Variants in INF2 observed in about 807,000 individuals in gnomAD.
INF2 encodes the protein inverted formin-2.
A neutral mutation model predicts 123.5 loss-of-function variants in INF2; 43 were observed. That is an observed-to-expected ratio of 0.35 (90% CI 0.27 to 0.45). The LOEUF (loss-of-function observed/expected upper bound fraction) is 0.45, where lower values mean the gene tolerates loss of function less well. Ranked by LOEUF, INF2 falls within the 20% of genes least tolerant of loss-of-function variation. INF2 has a pLI of 1.00. For missense variants in INF2, 1,453 were observed against 1,682.7 expected (o/e 0.86, Z 2.39); for synonymous variants, 851 against 745.0 (o/e 1.14, Z -2.32).
chr14:104,682,419 A>G (rs777410164), intron 1 of INF2, among the ~76,000 whole-genome samples: 26 of 152,170 alleles, frequency 1.7e-4, no homozygotes, highest in Non-Finnish European at 3.8e-4. Context: ...CAAAGCCAAG[A>G]CTGGCAGATA....
chr14:104,710,974 G>C lies in INF2; in HGVS notation c.2277G>C (p.Gln759His), dbSNP rs1198982780. Residue 759 changes from glutamine to histidine, a missense_variant, in exon 14 of 23, where the codon CAG becomes CAC. Physicochemically the swap from Gln to His is conservative, Grantham distance 24 (BLOSUM62 0). Coordinates refer to ENST00000392634, the MANE Select transcript of INF2 (RefSeq NM_022489.4). ...LTSRQLPIFC[Q>H]LILRIGNFLN... Reference sequence around the variant, plus strand: ...GCCGCCAGCTGCCCATCTTCTGCCAGCTGATCCTGAGAATTGGGAACTTCC... The same window carrying C: ...GCCGCCAGCTGCCCATCTTCTGCCACCTGATCCTGAGAATTGGGAACTTCC... 2.5e-6 allele frequency: 4 copies of C among 1,612,006 alleles called. No individual in the cohort carries two copies. The highest frequency in any genetic ancestry group is 2.2e-5 in the East Asian group (1 of 44,822).
intron 1 of INF2, among the ~76,000 whole-genome samples, chr14:104,683,398 G>A (rs368263645): frequency 1.0e-5 from 1 of 95,590 alleles, no homozygotes; most frequent in Non-Finnish European, 2.0e-5. Context: ...CCCACCAGGG[G>A]TGTCAAAGCA....
chr14:104,714,834 G>T lies in INF2; in HGVS notation c.3672G>T (p.Lys1224Asn), dbSNP rs1890216513. 1 of 1,589,900 alleles carries T rather than the reference G, an allele frequency of 6.3e-7. No homozygotes were observed. Among genetic ancestry groups the T allele is most frequent in the Non-Finnish European group, 8.5e-7 (1 of 1,170,808 alleles). Reference protein sequence around the residue: ...ASKGTGKRRKKRPSRSQEEVP... With the variant: ...ASKGTGKRRKNRPSRSQEEVP... ...AGGGGACCGGGAAGCGAAGGAAGAA[G>T]CGTCCCTCCAGGAGCCAGGAAGGTA... The change falls in exon 21 of 23, where the codon AAG becomes AAT. Residue 1224 changes from lysine to asparagine, a missense_variant. By Grantham distance (94) the Lys-to-Asn change is moderately conservative. Coordinates refer to ENST00000392634, the MANE Select transcript of INF2 (RefSeq NM_022489.4).
rs776939784 is a variant in INF2, at chr14:104,712,494, G to A, written c.2551G>A (p.Glu851Lys). 9.3e-6 allele frequency: 15 copies of A among 1,612,682 alleles called. No individual in the cohort carries two copies. The highest frequency in any genetic ancestry group is 1.7e-5 in the Admixed American group (1 of 60,018). Residue 851 changes from glutamate (E) to lysine (K), a missense_variant, in exon 17 of 23, where the codon GAG (glutamate) becomes AAG (lysine). Glu to Lys is a moderately conservative substitution (Grantham distance 56, BLOSUM62 1). This residue lies in a region of INF2 where 212 missense variants were observed against 266.2 expected (regional missense o/e 0.80). Coordinates refer to ENST00000392634, the MANE Select transcript of INF2 (RefSeq NM_022489.4). The part of the protein sequence containing the change: ...SSNLKKLLET[E>K]RKVSASVAEV... ...CAACCTGAAGAAGCTTCTGGAGACC[G>A]AGCGGAAGGTGTCTGCCTCCGTGGC...
chr14:104,714,753 G>A lies in INF2; in HGVS notation c.3591G>A (p.Ala1197=), dbSNP rs765090867. 3.9e-5 allele frequency: 62 copies of A among 1,600,956 alleles called. No homozygotes were observed. Among genetic ancestry groups the A allele is most frequent in the Middle Eastern group, 3.3e-4 (2 of 6,016 alleles). ...TGGACAAGTCCTTCTCCGAGGATGC[G>A]GTGACCGACTCCTCGGGGTCGGGCA... ...TSLDKSFSED[A]VTDSSGSGTL... is the part of the protein sequence containing the mutation. The change falls in exon 21 of 23, where the codon GCG becomes GCA. Residue 1197 remains alanine, a synonymous_variant. Coordinates refer to ENST00000392634, the MANE Select transcript of INF2 (RefSeq NM_022489.4).
At chr14:104,715,682 G>A (rs957850780) in intron 22 of INF2, 5 of 544,912 alleles carry the variant, frequency 9.2e-6, no homozygotes, top group Non-Finnish European at 1.7e-5. Flanking sequence ...CCTCCTGGCT[G>A]GCAGGACAGG....
chr14:104,703,473 C>G lies in INF2; in HGVS notation c.667+19C>G. ...TTTATCGGTAAGCACCTGCCCTGGGCCGCATGCCCGCTCCTGCCCGCCTCT... is the reference window on the plus strand; with the variant it reads ...TTTATCGGTAAGCACCTGCCCTGGGGCGCATGCCCGCTCCTGCCCGCCTCT... On this transcript the variant is annotated intron_variant, in intron 4 of 22. Coordinates refer to ENST00000392634, the MANE Select transcript of INF2 (RefSeq NM_022489.4). 6.2e-7 allele frequency: 1 copy of G among 1,609,264 alleles called. No individual in the cohort carries two copies. Among genetic ancestry groups the G allele is most frequent in the Non-Finnish European group, 8.5e-7 (1 of 1,179,830 alleles).
At position 104,707,467 on chromosome 14, in the gene INF2, C is replaced by G; in HGVS notation, c.1200C>G (p.Ala400=). Residue 400 remains alanine, a synonymous_variant, in exon 8 of 23, where the codon GCC becomes GCG. Coordinates refer to ENST00000392634, the MANE Select transcript of INF2 (RefSeq NM_022489.4). ...CTGCCTGCGAGCCCGTGGACCACGC[C>G]CAGAGTGAGAGCATCCTGAAAGTTT... The part of the protein sequence containing the change: ...AAAACEPVDH[A]QSESILKVSQ... The G allele has an allele frequency of 6.4e-7, 1 of 1,554,602 alleles. No individual in the cohort carries two copies. The highest frequency in any genetic ancestry group is 1.2e-5 in the South Asian group (1 of 84,444).
chr14:104,708,812 C>A (rs1240603258), intron 10 of INF2, 80 bp downstream of exon 10: 1 of 1,417,506 alleles, frequency 7.1e-7, no homozygotes, highest in Non-Finnish European at 1.0e-6. Flanking sequence ...CCCAGCAGTG[C>A]CCTCTGCAGG....
At position 104,719,927 on chromosome 14, in the gene INF2, TA is replaced by T. The variant is rs1372108081; in HGVS notation, c.*1136del. On this transcript the variant is annotated 3_prime_UTR_variant, in exon 23 of 23. Coordinates refer to ENST00000392634, the MANE Select transcript of INF2 (RefSeq NM_022489.4). ...AGATGGGTGCAGCTCTACAGGGGCG[TA>T]ATTTACAAACCACCAGACTCCCTGG... 6.6e-6 allele frequency: 1 copy of T among 152,338 alleles called. No homozygotes were observed. The highest frequency in any genetic ancestry group is 1.5e-5 in the Non-Finnish European group (1 of 68,130). The allele number at this position is 152,338 out of a possible 1,614,324, so 9.4% of individuals were successfully genotyped here. A position where few individuals can be genotyped will look rare whatever the true frequency, so the allele number is the denominator to read the frequency against.
At chr14:104,706,534 G>C (rs558208060) in intron 6 of INF2, among the ~76,000 whole-genome samples, 1 of 152,330 alleles carries the variant, frequency 6.6e-6, no homozygotes, top group South Asian at 2.1e-4. Context: ...TCAGGGCTTG[G>C]TGAGGGGCTA....
chr14:104,690,222 C>T (rs1888875097), intron 1 of INF2: 1 of 152,266 alleles, frequency 6.6e-6, no homozygotes, highest in Admixed American at 6.5e-5. Flanking sequence ...GGGAGCCCTT[C>T]CCACCCCGCA....
upstream of INF2, chr14:104,684,691 C>T (rs967915707): frequency 6.6e-6 from 1 of 152,386 alleles, no homozygotes; most frequent in Admixed American, 6.5e-5. This position sits in a 1 kb window ranked among gnomAD's most constrained non-coding sequence, Gnocchi z 5.0. Context: ...GTGTGGTAGA[C>T]CCAAGCTCTG....
chr14:104,716,123 G>C (rs77125530), intron 22 of INF2: 2 of 360,852 alleles, frequency 5.5e-6, no homozygotes, highest in South Asian at 2.1e-5. Flanking sequence ...CAGCCCGGCC[G>C]ATCATGAGCT....
At chr14:104,702,502 T>C (rs12588561) in intron 2 of INF2, among the ~76,000 whole-genome samples, 70,761 of 152,222 alleles carry the variant, frequency 0.46, 18,210 homozygotes, top group African/African-American at 0.69. Context: ...TGCCAGGTCC[T>C]ACCGATGCTT....
intron 2 of INF2, among the ~76,000 whole-genome samples, chr14:104,702,061 C>T (rs1279762586): frequency 2.0e-5 from 3 of 152,180 alleles, no homozygotes; most frequent in Admixed American, 2.0e-4. Context: ...CTCCCACCCT[C>T]TGGGCTCTCT....
chr14:104,707,594 C>T lies in INF2; in HGVS notation c.1327C>T (p.Pro443Ser). The change falls in exon 8 of 23, where the codon CCA (proline) becomes TCA (serine). Residue 443 changes from proline to serine, a missense_variant. Transcript: ENST00000392634. ...SSAEPPPPPPPPPLPSVGAKA... is the reference protein window; with the variant it reads ...SSAEPPPPPPSPPLPSVGAKA... ...TGCCGAGCCCCCTCCCCCTCCCCCA[C>T]CACCCCCCCTGCCCAGTGTGGGGGC... is the stretch of plus-strand genomic sequence containing the variant. 9.0e-7 allele frequency: 1 copy of T among 1,113,970 alleles called. No homozygotes were observed. 69.0% of individuals were successfully genotyped at this position (1,113,970 alleles called of 1,614,324 possible). A position where few individuals can be genotyped will look rare whatever the true frequency, so the allele number is the denominator to read the frequency against.
At chr14:104,697,889 G>GA (rs938947958) in intron 1 of INF2, among the ~76,000 whole-genome samples, 1 of 152,170 alleles carries the variant, frequency 6.6e-6, no homozygotes, top group Non-Finnish European at 1.5e-5. Context: ...TGGACTGCCG[G>GA]GGGGGGTGGA....
chr14:104,685,051 T>C (rs1888623204), upstream of INF2: 1 of 152,254 alleles, frequency 6.6e-6, no homozygotes, highest in Non-Finnish European at 1.5e-5. Flanking sequence ...CAGACTGTTC[T>C]TAAGCAAGTA....
Sources: allele counts gnomAD v4.1 joint callset (sites outside exome capture counted in the v4.1 genomes callset), GRCh38; gene constraint gnomAD v4.1.1; regional missense constraint gnomAD v4.1.1; non-coding constraint Gnocchi (gnomAD v3.1); transcripts MANE v1.5; gene names NCBI Gene and HGNC (gene_info 2026-07-23, HGNC 2026-07-21).